ITGAV: variants seen among roughly 807,000 people sequenced by gnomAD.
ITGAV encodes the protein integrin alpha-V.
A neutral mutation model predicts 143.8 loss-of-function variants in ITGAV; 76 were observed. That is an observed-to-expected ratio of 0.53 (90% CI 0.44 to 0.64). The LOEUF (loss-of-function observed/expected upper bound fraction) is 0.64, where lower values mean the gene tolerates loss of function less well. Among genes scored for constraint, ITGAV ranks in the 30% least tolerant of loss-of-function variants. The pLI is 0.00. For synonymous variants in ITGAV, 453 were observed against 446.7 expected (o/e 1.01, Z -0.18); for missense variants, 1,193 against 1,274.7 (o/e 0.94, Z 0.98).
In ITGAV at chr2:186,616,341, C is replaced by G. The variant is rs576263380; in HGVS notation, c.317-5998C>G. On this transcript the variant is annotated intron_variant, in intron 2 of 29. Coordinates refer to ENST00000261023, the MANE Select transcript of ITGAV (RefSeq NM_002210.5). Reference sequence around the variant, plus strand: ...TCGCCCAGGCTGGAGTGCAGTGGCACGATCTCGGCTCACTGCAAGCTCCGC... The same window carrying G: ...TCGCCCAGGCTGGAGTGCAGTGGCAGGATCTCGGCTCACTGCAAGCTCCGC... Among the ~76,000 whole-genome samples, 15 of 142,526 alleles carry G rather than the reference C, an allele frequency of 1.1e-4. No individual in the cohort carries two copies. The South Asian group carries it at 2.0e-3, about 19-fold the overall frequency. The allele number at this position is 142,526 out of a possible 152,430, so 93.5% of individuals were successfully genotyped here. A position where few individuals can be genotyped will look rare whatever the true frequency, so the allele number is the denominator to read the frequency against.
At chr2:186,661,557 A>AT (rs1688745069) in intron 18 of ITGAV, among the ~76,000 whole-genome samples, 1 of 139,430 alleles carries the variant, frequency 7.2e-6, no homozygotes, top group African/African-American at 2.7e-5. Context: ...TTTTTCTCTC[A>AT]TTTTTTTCAT....
chr2:186,646,209 A>G (rs1438070101), intron 12 of ITGAV, among the ~76,000 whole-genome samples: 1 of 152,204 alleles, frequency 6.6e-6, no homozygotes, highest in African/African-American at 2.4e-5. Flanking sequence ...CGAATTTCTG[A>G]GCAGATTGGC....
At chr2:186,669,190 T>C (rs1688994349) in intron 25 of ITGAV, among the ~76,000 whole-genome samples, 1 of 152,174 alleles carries the variant, frequency 6.6e-6, no homozygotes, top group South Asian at 2.1e-4. Flanking sequence ...TGACCTTGGC[T>C]CCATCACGTT....
At chr2:186,656,896 G>A (rs749601996) in intron 17 of ITGAV, among the ~76,000 whole-genome samples, 5 of 152,048 alleles carry the variant, frequency 3.3e-5, no homozygotes, top group Non-Finnish European at 4.4e-5. Context: ...ATTCCAGCAA[G>A]AGCCAAATGT....
chr2:186,633,846 G>T (rs1687883248), intron 6 of ITGAV, among the ~76,000 whole-genome samples: 1 of 152,008 alleles, frequency 6.6e-6, no homozygotes, highest in South Asian at 2.1e-4. Context: ...TATTGAGAAT[G>T]ATCTCTAAGT....
chr2:186,641,715 T>C, intron 12 of ITGAV, 127 bp downstream of exon 12: 1 of 702,670 alleles, frequency 1.4e-6, no homozygotes, highest in Middle Eastern at 4.1e-4. Flanking sequence ...TGTGTGTAAG[T>C]GAGTAACACA....
chr2:186,667,721 A>G lies in ITGAV; in HGVS notation c.2378A>G (p.Lys793Arg), dbSNP rs1688939362. ...CTTCCGATTCCAAACTGGGAGCACA[A>G]GGAGAACCCTGAGACTGAAGAAGAT... ...VFLPIPNWEH[K>R]ENPETEEDVG... Residue 793 changes from lysine (K) to arginine (R), a missense_variant, in exon 24 of 30, where the codon AAG (lysine) becomes AGG (arginine). Physicochemically the swap from Lys to Arg is conservative, Grantham distance 26 (BLOSUM62 2). Transcript: ENST00000261023. The G allele has an allele frequency of 6.2e-7, 1 of 1,611,572 alleles. No homozygotes were observed. Among genetic ancestry groups the G allele is most frequent in the African/African-American group, 1.3e-5 (1 of 74,998 alleles).
Position 186,680,412 on chromosome 2 carries a change from A to G in ITGAV, c.*3120A>G, listed in dbSNP as rs1689320338. Reference sequence around the variant, plus strand: ...TATTTCATTTTAATTTCTGATATATAATGAACTTCTTGGGAGAGGTACTGA... The same window carrying G: ...TATTTCATTTTAATTTCTGATATATGATGAACTTCTTGGGAGAGGTACTGA... On this transcript the variant is annotated 3_prime_UTR_variant, in exon 30 of 30. Coordinates refer to ENST00000261023, the MANE Select transcript of ITGAV (RefSeq NM_002210.5). 1 of 152,556 alleles carries G rather than the reference A, an allele frequency of 6.6e-6. No homozygotes were observed. Among genetic ancestry groups the G allele is most frequent in the Non-Finnish European group, 1.5e-5 (1 of 67,960 alleles). 9.5% of individuals were successfully genotyped at this position (152,556 alleles called of 1,614,324 possible).
intron 3 of ITGAV, among the ~76,000 whole-genome samples, chr2:186,625,055 G>A (rs1052783024): frequency 6.6e-6 from 1 of 152,094 alleles, no homozygotes; most frequent in Non-Finnish European, 1.5e-5. Context: ...TAAGGTATAG[G>A]ATAGGTTTGA....
Position 186,625,469 on chromosome 2 carries a change from T to G in ITGAV, c.409-4T>G. ...CGTGTCGTGGACTAAACCTTTGATT[T>G]TAGGCCTGTGCCCCATTGTACCATT... On this transcript the variant is annotated splice_region_variant and splice_polypyrimidine_tract_variant and intron_variant, in intron 3 of 29. Coordinates refer to ENST00000261023, the MANE Select transcript of ITGAV (RefSeq NM_002210.5). The G allele has an allele frequency of 2.5e-6, 4 of 1,605,532 alleles. No homozygotes were observed. The highest frequency in any genetic ancestry group is 3.4e-6 in the Non-Finnish European group (4 of 1,172,540).
At chr2:186,644,851 C>A (rs956889974) in intron 12 of ITGAV, among the ~76,000 whole-genome samples, 1 of 151,722 alleles carries the variant, frequency 6.6e-6, no homozygotes. Flanking sequence ...ATGTGATCAT[C>A]ACAGTGTTTG....
chr2:186,613,710 C>G (rs908298287), intron 2 of ITGAV, among the ~76,000 whole-genome samples: 1 of 152,062 alleles, frequency 6.6e-6, no homozygotes, highest in Non-Finnish European at 1.5e-5. Context: ...ATTGTCCTTT[C>G]GTTAATAGTA....
In ITGAV at chr2:186,633,358, T is replaced by G. The variant is rs1687866301; in HGVS notation, c.615T>G (p.Gly205=). Residue 205 remains glycine, a synonymous_variant, in exon 6 of 30, where the codon GGT becomes GGG. Transcript: ENST00000261023. ...ACAGAGTACTTCTTGGTGGTCCTGG[T>G]AGCTTTTATTGGCAAGGTAGGTTAA... ...KADRVLLGGP[G]SFYWQGQLIS... is the part of the protein sequence containing the mutation. 6.3e-7 allele frequency: 1 copy of G among 1,589,588 alleles called. No homozygotes were observed. Among genetic ancestry groups the G allele is most frequent in the African/African-American group, 1.3e-5 (1 of 74,630 alleles).
intron 10 of ITGAV, among the ~76,000 whole-genome samples, chr2:186,640,350 A>T (rs1009276945): frequency 2.6e-5 from 4 of 152,330 alleles, no homozygotes; most frequent in African/African-American, 9.6e-5. Flanking sequence ...GTGGCAAGTA[A>T]TCTATAGAGA....
rs574814337 is a variant in ITGAV, at chr2:186,602,765, T to C, written c.316+614T>C. ...GGTGGCGCCTGCCTGTAATCCCAGC[T>C]ACTTAGGAGGCTGAGGCAGGAGAAT... On this transcript the variant is annotated intron_variant, in intron 2 of 29. Transcript: ENST00000261023. Among the ~76,000 whole-genome samples, 10 of 151,690 alleles carry C rather than the reference T, an allele frequency of 6.6e-5. No individual in the cohort carries two copies. In the South Asian group the frequency reaches 2.1e-3, roughly 32 times the overall value.
chr2:186,669,777 G>A lies in ITGAV; in HGVS notation c.2669G>A (p.Arg890Gln), dbSNP rs181427404. The change falls in exon 26 of 30, where the codon CGG becomes CAG. Residue 890 changes from arginine (R) to glutamine (Q), a missense_variant. By Grantham distance (43) the Arg-to-Gln change is conservative (BLOSUM62 1). Coordinates refer to ENST00000261023, the MANE Select transcript of ITGAV (RefSeq NM_002210.5). ...QGERDHLITK[R>Q]DLALSEGDIH... ...GAGCGGGACCATCTCATCACTAAGC[G>A]GGATCTTGCCCTCAGTGAAGGAGAT... is the stretch of plus-strand genomic sequence containing the variant. 82 of 1,613,976 alleles carry A rather than the reference G, an allele frequency of 5.1e-5. 1 individual carries two copies. Among genetic ancestry groups the A allele is most frequent in the Admixed American group, 8.3e-5 (5 of 59,996 alleles).
chr2:186,680,751 G>A lies in ITGAV; in HGVS notation c.*3459G>A, dbSNP rs989729257. The A allele has an allele frequency of 1.3e-5, 2 of 152,564 alleles. No individual in the cohort carries two copies. The highest frequency in any genetic ancestry group is 4.8e-5 in the African/African-American group (2 of 41,438). The allele number at this position is 152,564 out of a possible 1,614,324, so 9.5% of individuals were successfully genotyped here. A position where few individuals can be genotyped will look rare whatever the true frequency, so the allele number is the denominator to read the frequency against. On this transcript the variant is annotated 3_prime_UTR_variant, in exon 30 of 30. Coordinates refer to ENST00000261023, the MANE Select transcript of ITGAV (RefSeq NM_002210.5). Reference sequence around the variant, plus strand: ...AACATAGAAAGTAAATATCTTTGTGGTCACCCACATTGGGTGAGACAGAAA... The same window carrying A: ...AACATAGAAAGTAAATATCTTTGTGATCACCCACATTGGGTGAGACAGAAA...
At chr2:186,668,630 T>G in intron 24 of ITGAV, 132 bp from the exon 25 acceptor site, 1 of 717,334 alleles carries the variant, frequency 1.4e-6, no homozygotes, top group Non-Finnish European at 2.4e-6. Flanking sequence ...CACATTGTAA[T>G]TAGAGGTTAA....
At chr2:186,622,227 T>A in intron 2 of ITGAV, 112 bp from the exon 3 acceptor site, 1 of 695,056 alleles carries the variant, frequency 1.4e-6, no homozygotes, top group Non-Finnish European at 2.5e-6. Flanking sequence ...ACCAGTGGAA[T>A]ATTTGATTAA....
Sources: allele counts gnomAD v4.1 joint callset (sites outside exome capture counted in the v4.1 genomes callset), GRCh38; gene constraint gnomAD v4.1.1; transcripts MANE v1.5; gene names NCBI Gene and HGNC (gene_info 2026-07-23, HGNC 2026-07-21).